The following SRBD1 variants were observed in gnomAD, a reference collection of about 807,000 sequenced individuals.
SRBD1 encodes the protein S1 RNA-binding domain-containing protein 1.
In SRBD1, 88 loss-of-function variants were observed where a neutral mutation model predicts 115.3. The observed-to-expected ratio is 0.76, with a 90% CI of 0.64 to 0.91. The LOEUF (loss-of-function observed/expected upper bound fraction) is 0.91, where lower values mean the gene tolerates loss of function less well. Among genes scored for constraint, SRBD1 ranks in the 40% least tolerant of loss-of-function variants. The pLI, the probability that SRBD1 is intolerant of heterozygous loss-of-function variation, is 0.00. For missense variants in SRBD1, 1,385 were observed against 1,177.4 expected, an observed-to-expected ratio of 1.18 and a Z score of -2.58; for synonymous variants, 509 against 407.7, an observed-to-expected ratio of 1.25 and a Z score of -2.99.
intron 16 of SRBD1, among the ~76,000 whole-genome samples, chr2:45,440,320 G>T (rs1317594514): frequency 1.3e-5 from 2 of 152,088 alleles, no homozygotes; most frequent in Non-Finnish European, 1.5e-5. Context: ...CCTCCAGTAG[G>T]TGTTCTTATG....
intron 19 of SRBD1, 103 bp downstream of exon 19, chr2:45,413,011 A>C (rs1298624371): frequency 7.5e-7 from 1 of 1,327,968 alleles, no homozygotes; most frequent in African/African-American, 1.5e-5. Flanking sequence ...TTGTCACATT[A>C]AACGGTCATA....
chr2:45,470,223 T>G (rs1669605170), intron 16 of SRBD1, among the ~76,000 whole-genome samples: 1 of 152,214 alleles, frequency 6.6e-6, no homozygotes. Context: ...AACAGTTTGT[T>G]TTTTATTTTT....
chr2:45,591,923 T>C (rs1281820484), intron 4 of SRBD1, among the ~76,000 whole-genome samples: 1 of 152,152 alleles, frequency 6.6e-6, no homozygotes, highest in African/African-American at 2.4e-5. Context: ...TGTGATATGG[T>C]TTGGCTATGT....
In SRBD1 at chr2:45,581,674, G is replaced by C; in HGVS notation, c.933+19C>G. ...AATATATTCAGGTATTACATTAAAA[G>C]ATAAAAAGGATTCCTTACCACGTGT... is the stretch of plus-strand genomic sequence containing the variant. On this transcript the variant is annotated intron_variant, in intron 6 of 20. Coordinates refer to ENST00000263736, the MANE Select transcript of SRBD1 (RefSeq NM_018079.5). 5 of 1,587,630 alleles carry C rather than the reference G, an allele frequency of 3.1e-6. No individual in the cohort carries two copies. The highest frequency in any genetic ancestry group is 4.3e-6 in the Non-Finnish European group (5 of 1,161,970).
intron 6 of SRBD1, among the ~76,000 whole-genome samples, chr2:45,580,836 C>A (rs1350138406): frequency 6.6e-6 from 1 of 151,370 alleles, no homozygotes; most frequent in Non-Finnish European, 1.5e-5. Context: ...AGGCACCCGC[C>A]ACCACGCCCA....
chr2:45,515,803 T>C lies in SRBD1; in HGVS notation c.1875-27472A>G, dbSNP rs1001288623. ...CTGAAAGATGATTTAAGTACAATGT[T>C]GTAATATTTCTAAGTTATCTCTATA... On this transcript the variant is annotated intron_variant, in intron 14 of 20. Transcript: ENST00000263736. 2.0e-5 allele frequency among the ~76,000 whole-genome samples: 3 copies of C among 152,322 alleles called. No individual in the cohort carries two copies. The South Asian group carries it at 6.2e-4, about 32-fold the overall frequency.
At chr2:45,566,189 A>C (rs6754482) in intron 9 of SRBD1, among the ~76,000 whole-genome samples, 24,365 of 152,206 alleles carry the variant, frequency 0.16, 2,952 homozygotes, top group African/African-American at 0.34. Flanking sequence ...ACCATATAAC[A>C]CAGCAATTAT....
rs1667651257 is a variant in SRBD1 at position 45,413,102 on chromosome 2, C to T, written c.2513+12G>A. The T allele has an allele frequency of 6.2e-7, 1 of 1,609,196 alleles. No homozygotes were observed. The highest frequency in any genetic ancestry group is 1.3e-5 in the African/African-American group (1 of 74,922). On this transcript the variant is annotated intron_variant, in intron 19 of 20. Transcript: ENST00000263736. ...TGCATATGGAGAATTCCCACATGGG[C>T]CTCAGACTTACCTCATTGCTATGTC...
At chr2:45,424,976 A>G (rs570811698) in intron 16 of SRBD1, among the ~76,000 whole-genome samples, 8 of 152,370 alleles carry the variant, frequency 5.3e-5, no homozygotes, top group Admixed American at 2.6e-4. Context: ...AAGCTAACTT[A>G]GCGAGAATGG....
At chr2:45,518,991 T>A (rs1410346842) in intron 14 of SRBD1, among the ~76,000 whole-genome samples, 1 of 151,034 alleles carries the variant, frequency 6.6e-6, no homozygotes, top group Non-Finnish European at 1.5e-5. Flanking sequence ...AATCTCACCA[T>A]TTTTCTCTAG....
rs890691603 is a variant in SRBD1, at chr2:45,577,759, C to T, written c.1072+2116G>A. On this transcript the variant is annotated intron_variant, in intron 7 of 20. Coordinates refer to ENST00000263736, the MANE Select transcript of SRBD1 (RefSeq NM_018079.5). ...AAAAACAAGTAAAATTAAGGATGAT[C>T]ATGATTGTGTGTAACATAAAGGAGG... is the stretch of plus-strand genomic sequence containing the variant. Among the ~76,000 whole-genome samples, 7 of 151,760 alleles carry T rather than the reference C, an allele frequency of 4.6e-5. No homozygotes were observed. The East Asian group carries it at 1.4e-3, about 29-fold the overall frequency.
intron 1 of SRBD1, among the ~76,000 whole-genome samples, chr2:45,607,550 G>A (rs1444484560): frequency 1.3e-5 from 2 of 151,682 alleles, no homozygotes; most frequent in African/African-American, 4.8e-5. Context: ...CTAACAAATT[G>A]CAACACATAA....
intron 11 of SRBD1, 97 bp downstream of exon 11, chr2:45,553,526 G>T: frequency 2.7e-6 from 2 of 752,844 alleles, no homozygotes; most frequent in Non-Finnish European, 3.9e-6. Flanking sequence ...TCTTTCGATT[G>T]GTTAATCAAT....
At position 45,601,967 on chromosome 2, in the gene SRBD1, C is replaced by G. The variant is rs190074005; in HGVS notation, c.197G>C (p.Arg66Pro). The G allele has an allele frequency of 7.4e-6, 12 of 1,614,196 alleles. No individual in the cohort carries two copies. The highest frequency in any genetic ancestry group is 6.7e-5 in the Admixed American group (4 of 60,030). Reference sequence around the variant, plus strand: ...GATCTGTGGGGCATTCTTCTTCACCCGAGGCATCCTCTTTGGTTTGGATTC... The same window carrying G: ...GATCTGTGGGGCATTCTTCTTCACCGGAGGCATCCTCTTTGGTTTGGATTC... Reference protein sequence around the residue: ...PKESKPKRMPRVKKNAPQISD... With the variant: ...PKESKPKRMPPVKKNAPQISD... The change falls in exon 3 of 21, where the codon CGG becomes CCG. Residue 66 changes from arginine (R) to proline (P), a missense_variant. By Grantham distance (103) the Arg-to-Pro change is moderately radical (BLOSUM62 -2). Transcript: ENST00000263736.
At chr2:45,469,917 A>G (rs1326854199) in intron 16 of SRBD1, among the ~76,000 whole-genome samples, 1 of 152,238 alleles carries the variant, frequency 6.6e-6, no homozygotes, top group African/African-American at 2.4e-5. Flanking sequence ...CCATTTTGGC[A>G]GAGAATTCAC....
chr2:45,423,398 C>T (rs1341738771), intron 16 of SRBD1, among the ~76,000 whole-genome samples: 1 of 152,100 alleles, frequency 6.6e-6, no homozygotes, highest in Non-Finnish European at 1.5e-5. Flanking sequence ...GATGTGTTTA[C>T]ACAATGCAAA....
intron 14 of SRBD1, among the ~76,000 whole-genome samples, chr2:45,527,204 G>GT (rs1245961342): frequency 6.6e-6 from 1 of 151,834 alleles, no homozygotes; most frequent in African/African-American, 2.4e-5. Flanking sequence ...GGGCCAGCAA[G>GT]TTTTAAATCA....
At chr2:45,419,611 T>A (rs1004901664) in intron 17 of SRBD1, among the ~76,000 whole-genome samples, 177 bp downstream of exon 17, 2 of 152,248 alleles carry the variant, frequency 1.3e-5, no homozygotes, top group African/African-American at 4.8e-5. Context: ...ATGTGAATTG[T>A]TATAATTCTT....
At chr2:45,541,985 G>A (rs1261272930) in intron 14 of SRBD1, among the ~76,000 whole-genome samples, 1 of 152,250 alleles carries the variant, frequency 6.6e-6, no homozygotes, top group Non-Finnish European at 1.5e-5. Flanking sequence ...CTTCACGTAG[G>A]CCCTGGCTTG....
Sources: gnomAD v4.1 joint callset for allele counts (sites outside exome capture counted in the v4.1 genomes callset) on GRCh38, gnomAD v4.1.1 for gene constraint, MANE v1.5 for transcripts, NCBI Gene and HGNC (gene_info 2026-07-23, HGNC 2026-07-21) for gene names.